Variants in ARSG observed in about 807,000 individuals in gnomAD.
ARSG encodes the protein arylsulfatase G, also known as ASG.
A neutral mutation model predicts 50.5 loss-of-function variants in ARSG; 37 were observed. That is an observed-to-expected ratio of 0.73 (90% CI 0.56 to 0.96). ARSG has a LOEUF of 0.96. Among genes scored for constraint, ARSG ranks in the 50% least tolerant of loss-of-function variants. ARSG has a pLI of 0.00. For missense variants in ARSG, 629 were observed against 675.3 expected (o/e 0.93, Z 0.76); for synonymous variants, 225 against 254.6 (o/e 0.88, Z 1.11).
intron 6 of ARSG, among the ~76,000 whole-genome samples, chr17:68,361,232 A>G (rs889403824): frequency 6.6e-6 from 1 of 152,104 alleles, no homozygotes; most frequent in African/African-American, 2.4e-5. Flanking sequence ...ATTAGGAGGA[A>G]ATTAGGTTTA....
chr17:68,296,723 A>T (rs561865793), intron 1 of ARSG, among the ~76,000 whole-genome samples: 15 of 152,276 alleles, frequency 9.9e-5, no homozygotes, highest in Admixed American at 9.8e-4. Flanking sequence ...GTGAGCACTG[A>T]CAACTGCTGT....
chr17:68,413,797 T>C (rs1208642029), intron 11 of ARSG: 1 of 157,552 alleles, frequency 6.3e-6, no homozygotes, highest in Non-Finnish European at 1.4e-5. Context: ...CCGAGCCAGG[T>C]AAGGGATGTA....
At chr17:68,395,291 C>G (rs1347442044) in intron 10 of ARSG, 98 bp downstream of exon 10, 3 of 1,536,614 alleles carry the variant, frequency 2.0e-6, no homozygotes, top group Non-Finnish European at 2.6e-6. Context: ...AGAAGATGGT[C>G]AAGAACAGGC....
Position 68,407,650 on chromosome 17 carries a change from T to C in ARSG, c.1303+6200T>C, listed in dbSNP as rs1354431022. ...AGGGGTTGACTTCTTGATTTGACTC[T>C]CCGCTTGGTTGCTGTTGGTGTATAG... On this transcript the variant is annotated intron_variant, in intron 11 of 11. Coordinates refer to ENST00000621439, the MANE Select transcript of ARSG (RefSeq NM_001267727.2). Among the ~76,000 whole-genome samples, 6 of 152,080 alleles carry C rather than the reference T, an allele frequency of 3.9e-5. No individual in the cohort carries two copies. In the East Asian group the frequency reaches 1.2e-3, roughly 29 times the overall value.
intron 1 of ARSG, among the ~76,000 whole-genome samples, chr17:68,259,845 T>C (rs1247885936): frequency 2.6e-5 from 4 of 152,148 alleles, no homozygotes; most frequent in Non-Finnish European, 5.9e-5. Context: ...TACCCAACTC[T>C]AGTGTACCTG....
chr17:68,275,837 G>A (rs539155155), intron 1 of ARSG, among the ~76,000 whole-genome samples: 40 of 151,954 alleles, frequency 2.6e-4, no homozygotes, highest in Middle Eastern at 6.8e-3. Context: ...CAAAAAATTA[G>A]CCAGGCGTGG....
At chr17:68,282,537 G>A (rs1180776140) in intron 1 of ARSG, among the ~76,000 whole-genome samples, 5 of 151,618 alleles carry the variant, frequency 3.3e-5, no homozygotes, top group Non-Finnish European at 1.5e-5. Flanking sequence ...AGTGGCTCAC[G>A]CCTGTAATCC....
Position 68,274,032 on chromosome 17 carries a change from G to A in ARSG, c.-552+14606G>A, listed in dbSNP as rs200490965. 1.8e-5 allele frequency: 29 copies of A among 1,613,950 alleles called. No individual in the cohort carries two copies. In the Middle Eastern group the frequency reaches 4.9e-4, roughly 27 times the overall value. Reference sequence around the variant, plus strand: ...AGCCCCCCCAACATCACTACCAGACGGTGTCCGAAACGATTGCTCAGGACT... The same window carrying A: ...AGCCCCCCCAACATCACTACCAGACAGTGTCCGAAACGATTGCTCAGGACT... On this transcript the variant is annotated intron_variant, in intron 1 of 11. Coordinates refer to the ARSG transcript ENST00000448504.
chr17:68,330,610 G>A (rs534305735), intron 2 of ARSG, among the ~76,000 whole-genome samples: 1 of 152,248 alleles, frequency 6.6e-6, no homozygotes, highest in South Asian at 2.1e-4. Context: ...TACTGAGAGG[G>A]AAGATTGGTA....
At chr17:68,298,866 AC>A (rs2076306025) in intron 1 of ARSG, among the ~76,000 whole-genome samples, 1 of 151,810 alleles carries the variant, frequency 6.6e-6, no homozygotes, top group African/African-American at 2.4e-5. Flanking sequence ...AAGCCTTATC[AC>A]CCCTCCAAAG....
At chr17:68,262,779 G>A (rs1555745499) in intron 1 of ARSG, among the ~76,000 whole-genome samples, 3 of 152,110 alleles carry the variant, frequency 2.0e-5, no homozygotes, top group South Asian at 2.1e-4. Flanking sequence ...AAGGAGAGCC[G>A]ATTGGATGTG....
In ARSG at chr17:68,343,646, C is replaced by G; in HGVS notation, c.261C>G (p.Ser87=). 6.2e-7 allele frequency: 1 copy of G among 1,613,864 alleles called. No individual in the cohort carries two copies. The highest frequency in any genetic ancestry group is 8.5e-7 in the Non-Finnish European group (1 of 1,179,814). Residue 87 remains serine (S), a synonymous_variant, in exon 3 of 12, where the codon TCC becomes TCG. Coordinates refer to ENST00000621439, the MANE Select transcript of ARSG (RefSeq NM_001267727.2). ...CAGCTGCCTCCACCTGCTCACCCTC[C>G]CGGGCTTCCTTGCTCACCGGCCGGC... is the stretch of plus-strand genomic sequence containing the variant. The part of the protein sequence containing the change: ...FHAAASTCSP[S]RASLLTGRLG...
chr17:68,302,465 C>G (rs1321339561), intron 1 of ARSG, among the ~76,000 whole-genome samples: 1 of 152,164 alleles, frequency 6.6e-6, no homozygotes, highest in Non-Finnish European at 1.5e-5. Context: ...AAACGAGGGT[C>G]AGGTGATGAA....
intron 11 of ARSG, among the ~76,000 whole-genome samples, chr17:68,418,414 A>C (rs1361007484): frequency 6.6e-6 from 1 of 152,026 alleles, no homozygotes; most frequent in Non-Finnish European, 1.5e-5. Flanking sequence ...AATGAAGAAT[A>C]ATCAAATTCT....
At chr17:68,373,069 G>GC (rs2079945001) in intron 8 of ARSG, among the ~76,000 whole-genome samples, 1 of 148,566 alleles carries the variant, frequency 6.7e-6, no homozygotes, top group Non-Finnish European at 1.5e-5. Context: ...TTTTTTGTTT[G>GC]TTTTTTTTTG....
chr17:68,448,399 C>T, the ARSG span: 1 of 152,188 alleles, frequency 6.6e-6, no homozygotes, highest in Non-Finnish European at 1.5e-5. Context: ...TTGGTTCCGA[C>T]GTTAGATCTT....
chr17:68,441,129 T>G, the ARSG span: 3 of 152,176 alleles, frequency 2.0e-5, no homozygotes. Flanking sequence ...AGGTCTGCAG[T>G]TGGCAGGACT....
rs2082714266 is a variant in ARSG, at chr17:68,420,647, G to A, written c.*184G>A. ...TCCACGCCGACCCGAGAGCAGCTGA[G>A]CTGCGCTGGCTCTGGGCAGGGAGTG... On this transcript the variant is annotated 3_prime_UTR_variant, in exon 12 of 12. Transcript: ENST00000621439. 3 of 703,220 alleles carry A rather than the reference G, an allele frequency of 4.3e-6. No individual in the cohort carries two copies. Among genetic ancestry groups the A allele is most frequent in the African/African-American group, 3.6e-5 (2 of 55,710 alleles). 43.6% of individuals were successfully genotyped at this position (703,220 alleles called of 1,614,324 possible). A position where few individuals can be genotyped will look rare whatever the true frequency, so the allele number is the denominator to read the frequency against.
chr17:68,325,263 T>A lies in ARSG; in HGVS notation c.218+17552T>A, dbSNP rs540633192. ...TATTGTGAACTGCCCATGTGAGGGA[T>A]CTAGGTTGCATGTTCCTTATAAGAA... is the stretch of plus-strand genomic sequence containing the variant. On this transcript the variant is annotated intron_variant, in intron 2 of 11. Coordinates refer to ENST00000621439, the MANE Select transcript of ARSG (RefSeq NM_001267727.2). Among the ~76,000 whole-genome samples the A allele has an allele frequency of 6.6e-5, 10 of 152,042 alleles. No individual in the cohort carries two copies. The South Asian group carries it at 1.7e-3, about 25-fold the overall frequency.
Sources: gnomAD v4.1 joint callset for allele counts (sites outside exome capture counted in the v4.1 genomes callset) on GRCh38, gnomAD v4.1.1 for gene constraint, MANE v1.5 for transcripts, NCBI Gene and HGNC (gene_info 2026-07-23, HGNC 2026-07-21) for gene names.